The following RPL7L1 variants were observed in gnomAD, a reference collection of about 807,000 sequenced individuals.
RPL7L1 encodes ribosomal protein uL30-like.
A neutral mutation model predicts 30.3 loss-of-function variants in RPL7L1; 20 were observed. The observed-to-expected ratio is 0.66, with a 90% CI of 0.46 to 0.96. The LOEUF is 0.96. Among genes scored for constraint, RPL7L1 ranks in the 40% least tolerant of loss-of-function variants. RPL7L1 has a pLI of 0.00. For missense variants in RPL7L1, 271 were observed against 314.9 expected (o/e 0.86, Z 1.05); for synonymous variants, 107 against 110.1 (o/e 0.97, Z 0.18).
At chr6:42,885,682 G>T in intron 4 of RPL7L1, 1 of 309,298 alleles carries the variant, frequency 3.2e-6, no homozygotes, top group South Asian at 4.2e-5. Flanking sequence ...GGCCAGAGTC[G>T]TAGCCCCTAA....
At chr6:42,883,337 G>T in intron 2 of RPL7L1, 114 bp from the exon 3 acceptor site, 1 of 790,510 alleles carries the variant, frequency 1.3e-6, no homozygotes, top group Non-Finnish European at 1.9e-6. Context: ...GCTTTGCTTC[G>T]CATTGTGGAA....
chr6:42,880,651 T>A, intron 1 of RPL7L1: 1 of 408,242 alleles, frequency 2.4e-6, no homozygotes, highest in Non-Finnish European at 4.5e-6. Flanking sequence ...TAGCTGGGAT[T>A]ACAGGCGTGC....
Position 42,889,594 on chromosome 6 carries a change from T to C in RPL7L1, c.*3130T>C, listed in dbSNP as rs567877667. On this transcript the variant is annotated 3_prime_UTR_variant, in exon 6 of 6. Transcript: ENST00000493763. Reference sequence around the variant, plus strand: ...TTTAAAATGATGTATTACAAAGTTATGCAAAAAAGCAGTTGTGACTATGGA... The same window carrying C: ...TTTAAAATGATGTATTACAAAGTTACGCAAAAAAGCAGTTGTGACTATGGA... The C allele has an allele frequency of 2.6e-5, 4 of 152,746 alleles. No individual in the cohort carries two copies. The highest frequency in any genetic ancestry group is 7.2e-5 in the African/African-American group (3 of 41,574). 9.5% of individuals were successfully genotyped at this position (152,746 alleles called of 1,614,324 possible).
At position 42,882,134 on chromosome 6, in the gene RPL7L1, A is replaced by C. The variant is rs1275295955; in HGVS notation, c.147+1168A>C. On this transcript the variant is annotated intron_variant, in intron 2 of 5. Transcript: ENST00000493763. ...ATGCTGGTCTCAAACTCCCGGCCTCAAGTGATCACCCACCGGCCTTCCAAA... is the reference window on the plus strand; with the variant it reads ...ATGCTGGTCTCAAACTCCCGGCCTCCAGTGATCACCCACCGGCCTTCCAAA... The C allele has an allele frequency of 2.0e-5, 3 of 151,930 alleles. No individual in the cohort carries two copies. The East Asian group carries it at 5.8e-4, about 29-fold the overall frequency. 9.4% of individuals were successfully genotyped at this position (151,930 alleles called of 1,614,324 possible). A position where few individuals can be genotyped will look rare whatever the true frequency, so the allele number is the denominator to read the frequency against.
intron 1 of RPL7L1, 111 bp downstream of exon 1, chr6:42,880,062 CCA>C: frequency 9.1e-7 from 1 of 1,100,946 alleles, no homozygotes; most frequent in South Asian, 1.3e-5. Flanking sequence ...ATAGAAAAGG[CCA>C]CAGTTTACAA....
chr6:42,880,609 T>G (rs1581654107), intron 1 of RPL7L1: 1 of 335,688 alleles, frequency 3.0e-6, no homozygotes, highest in South Asian at 3.0e-5. Flanking sequence ...GCCTCCCGGG[T>G]TCAAGCGATT....
Position 42,879,875 on chromosome 6 carries a change from A to C in RPL7L1, c.-36A>C. ...GACGTCTCTATGGTCAAGTAAACAG[A>C]GCGTGTGCTGTCTTCCCCATGTGGT... On this transcript the variant is annotated 5_prime_UTR_variant, in exon 1 of 6. Transcript: ENST00000493763. 1 of 1,611,330 alleles carries C rather than the reference A, an allele frequency of 6.2e-7. No individual in the cohort carries two copies. The highest frequency in any genetic ancestry group is 1.3e-5 in the African/African-American group (1 of 74,986).
intron 4 of RPL7L1, among the ~76,000 whole-genome samples, chr6:42,885,004 TAAAGC>T (rs1300767255): frequency 2.6e-5 from 4 of 152,138 alleles, no homozygotes; most frequent in African/African-American, 9.7e-5. Context: ...TTGAAAGTCT[TAAAGC>T]AGAGCTAAAG....
chr6:42,885,582 AAAG>A, intron 4 of RPL7L1: 1 of 167,302 alleles, frequency 6.0e-6, no homozygotes, highest in South Asian at 1.5e-4. Flanking sequence ...AAAAAAAAAA[AAAG>A]AGTAGTATTC....
chr6:42,879,823 A>C lies in RPL7L1; in HGVS notation c.-88A>C. 1 of 1,408,818 alleles carries C rather than the reference A, an allele frequency of 7.1e-7. No homozygotes were observed. Among genetic ancestry groups the C allele is most frequent in the East Asian group, 2.3e-5 (1 of 43,658 alleles). 87.3% of individuals were successfully genotyped at this position (1,408,818 alleles called of 1,614,324 possible). On this transcript the variant is annotated 5_prime_UTR_variant, in exon 1 of 6. Coordinates refer to ENST00000493763, the MANE Select transcript of RPL7L1 (RefSeq NM_001366481.3). ...GCTCACTGCGGCTAAGTGAACGCTG[A>C]CTGGTCCTCCAGCGTGAGCTAGAAC... is the stretch of plus-strand genomic sequence containing the variant.
In RPL7L1 at chr6:42,880,863, A is replaced by C. The variant is rs1215845052; in HGVS notation, c.44A>C (p.Gln15Pro). 1 of 1,577,994 alleles carries C rather than the reference A, an allele frequency of 6.3e-7. No homozygotes were observed. The highest frequency in any genetic ancestry group is 1.4e-5 in the African/African-American group (1 of 73,954). Residue 15 changes from glutamine (Q) to proline (P), a missense_variant and splice_region_variant, in exon 2 of 6, where the codon CAA becomes CCA. Coordinates refer to ENST00000493763, the MANE Select transcript of RPL7L1 (RefSeq NM_001366481.3). Reference sequence around the variant, plus strand: ...CTGATCTCAATTTTCTGCATCAGGCAAAGAAAAATCCCTTTGGTTCCAGAA... The same window carrying C: ...CTGATCTCAATTTTCTGCATCAGGCCAAGAAAAATCCCTTTGGTTCCAGAA... ...CTTRKMAEQE[Q>P]RKIPLVPENL...
At chr6:42,883,198 G>C (rs953336113) in intron 2 of RPL7L1, 3 of 287,272 alleles carry the variant, frequency 1.0e-5, no homozygotes, top group Non-Finnish European at 2.0e-5. Flanking sequence ...AAGGAAACTT[G>C]TTAGTAAACA....
intron 1 of RPL7L1, 99 bp from the exon 2 acceptor site, chr6:42,880,762 C>T: frequency 3.2e-6 from 2 of 622,220 alleles, no homozygotes; most frequent in South Asian, 1.8e-5. Context: ...ATCCACCCAC[C>T]TCGGCCTCCC....
rs942601370 is a variant in RPL7L1, at chr6:42,879,872, C to G, written c.-39C>G. 6.2e-7 allele frequency: 1 copy of G among 1,610,210 alleles called. No homozygotes were observed. Among genetic ancestry groups the G allele is most frequent in the Non-Finnish European group, 8.5e-7 (1 of 1,177,234 alleles). The stretch of plus-strand genomic sequence containing the variant: ...ACAGACGTCTCTATGGTCAAGTAAA[C>G]AGAGCGTGTGCTGTCTTCCCCATGT... On this transcript the variant is annotated 5_prime_UTR_variant, in exon 1 of 6. Coordinates refer to ENST00000493763, the MANE Select transcript of RPL7L1 (RefSeq NM_001366481.3).
chr6:42,885,756 C>T (rs1001347714), intron 4 of RPL7L1: 2 of 468,650 alleles, frequency 4.3e-6, no homozygotes, highest in Non-Finnish European at 7.8e-6. Context: ...TGAACATTTA[C>T]ATCCATAAAT....
In RPL7L1 at chr6:42,880,022, C is replaced by T. The variant is rs1766014098; in HGVS notation, c.41+71C>T. 4 of 1,455,324 alleles carry T rather than the reference C, an allele frequency of 2.7e-6. No individual in the cohort carries two copies. The Admixed American group carries it at 5.0e-5, about 18-fold the overall frequency. The allele number at this position is 1,455,324 out of a possible 1,614,324, so 90.2% of individuals were successfully genotyped here. The stretch of plus-strand genomic sequence containing the variant: ...CCGGTGCCATCCACGGTGTTTATGC[C>T]TTGGTGGCGGATTCCTGTGGGCTCT... On this transcript the variant is annotated intron_variant, in intron 1 of 5. Coordinates refer to ENST00000493763, the MANE Select transcript of RPL7L1 (RefSeq NM_001366481.3).
In RPL7L1 at chr6:42,886,427, G is replaced by A. The variant is rs747619440; in HGVS notation, c.731G>A (p.Gly244Asp). ...GAGATGGGCACACCTGGCTATCGGG[G>A]TGAACGCATCAATCAGCTCATCCGT... ...LKEMGTPGYR[G>D]ERINQLIRQL... The change falls in exon 6 of 6, where the codon GGT becomes GAT. Residue 244 changes from glycine to aspartate, a missense_variant. Coordinates refer to ENST00000493763, the MANE Select transcript of RPL7L1 (RefSeq NM_001366481.3). 5 of 1,586,394 alleles carry A rather than the reference G, an allele frequency of 3.2e-6. No homozygotes were observed. The highest frequency in any genetic ancestry group is 4.5e-5 in the East Asian group (2 of 44,772).
chr6:42,884,453 G>C (rs1766188847), intron 3 of RPL7L1, among the ~76,000 whole-genome samples, 160 bp from the exon 4 acceptor site: 2 of 152,080 alleles, frequency 1.3e-5, no homozygotes, highest in African/African-American at 4.8e-5. Flanking sequence ...TTATGAAAAG[G>C]ATCTGTTTTC....
In RPL7L1 at chr6:42,884,726, T is replaced by C. The variant is rs755413267; in HGVS notation, c.425T>C (p.Ile142Thr). The part of the protein sequence containing the change: ...VTPQNLKMLR[I>T]VEPYVTWGFP... ...CCCCAGAATCTAAAAATGCTGCGTATAGTGGAACCTTATGTGACCTGGGGG... is the reference window on the plus strand; with the variant it reads ...CCCCAGAATCTAAAAATGCTGCGTACAGTGGAACCTTATGTGACCTGGGGG... Residue 142 changes from isoleucine (I) to threonine (T), a missense_variant, in exon 4 of 6, where the codon ATA (isoleucine) becomes ACA (threonine). Physicochemically the swap from Ile to Thr is moderately conservative, Grantham distance 89. Coordinates refer to ENST00000493763, the MANE Select transcript of RPL7L1 (RefSeq NM_001366481.3). The C allele has an allele frequency of 1.2e-6, 2 of 1,613,952 alleles. No individual in the cohort carries two copies. The highest frequency in any genetic ancestry group is 1.7e-6 in the Non-Finnish European group (2 of 1,179,938).
Sources: gnomAD v4.1 joint callset for allele counts (sites outside exome capture counted in the v4.1 genomes callset) on GRCh38, gnomAD v4.1.1 for gene constraint, MANE v1.5 for transcripts, NCBI Gene and HGNC (gene_info 2026-07-23, HGNC 2026-07-21) for gene names.